Variants in MEGF10 observed in about 807,000 individuals in gnomAD.
MEGF10 encodes the protein multiple epidermal growth factor-like domains protein 10.
A neutral mutation model predicts 147.5 loss-of-function variants in MEGF10; 86 were observed. The ratio of observed to expected loss-of-function variants is 0.58; its 90% CI spans 0.49 to 0.70. The LOEUF is 0.70. Ranked by LOEUF, MEGF10 falls within the 30% of genes least tolerant of loss-of-function variation. The pLI is 0.00. For missense variants in MEGF10, 1,329 were observed against 1,487.3 expected, an observed-to-expected ratio of 0.89 and a Z score of 1.75; for synonymous variants, 478 against 525.5, an observed-to-expected ratio of 0.91 and a Z score of 1.24.
chr5:127,338,929 T>G (rs1433782815), intron 2 of MEGF10, among the ~76,000 whole-genome samples, 191 bp from the exon 3 acceptor site: 1 of 152,088 alleles, frequency 6.6e-6, no homozygotes, highest in Non-Finnish European at 1.5e-5. Flanking sequence ...GTATTTTAAA[T>G]GTATTGTTAA....
At position 127,445,502 on chromosome 5, in the gene MEGF10, G is replaced by C. The variant is rs1765909828; in HGVS notation, c.2537G>C (p.Ser846Thr). The change falls in exon 20 of 25, where the codon AGT becomes ACT. Residue 846 changes from serine (S) to threonine (T), a missense_variant. Physicochemically the swap from Ser to Thr is moderately conservative, Grantham distance 58. Coordinates refer to ENST00000503335, the MANE Select transcript of MEGF10 (RefSeq NM_001256545.2). ...AATCTGAACAGCTTAAGCCGAACCAGTACTGCTCTCCCTGCTGATTCCTAC... is the reference window on the plus strand; with the variant it reads ...AATCTGAACAGCTTAAGCCGAACCACTACTGCTCTCCCTGCTGATTCCTAC... ...VGNLNSLSRT[S>T]TALPADSYQI... 6.2e-7 allele frequency: 1 copy of C among 1,614,006 alleles called. No homozygotes were observed. Among genetic ancestry groups the C allele is most frequent in the Admixed American group, 1.7e-5 (1 of 59,998 alleles).
At chr5:127,376,095 G>A (rs149554514) in intron 5 of MEGF10, among the ~76,000 whole-genome samples, 1 of 152,280 alleles carries the variant, frequency 6.6e-6, no homozygotes, top group East Asian at 1.9e-4. Flanking sequence ...AGTGGACAAG[G>A]GAGACAAGGG....
chr5:127,444,439 T>C (rs1765865359), intron 19 of MEGF10: 1 of 152,216 alleles, frequency 6.6e-6, no homozygotes, highest in Non-Finnish European at 1.5e-5. Flanking sequence ...CAGGGCAGAT[T>C]GTTTTGTAAA....
chr5:127,425,289 A>C lies in MEGF10; in HGVS notation c.1693+2517A>C, dbSNP rs114207365. On this transcript the variant is annotated intron_variant, in intron 13 of 24. Coordinates refer to ENST00000503335, the MANE Select transcript of MEGF10 (RefSeq NM_001256545.2). ...ATGCAGTGGCTTTGTCACACAATGT[A>C]ATCTTGTAATCCTCTGTCCATCTGT... is the stretch of plus-strand genomic sequence containing the variant. Among the ~76,000 whole-genome samples the C allele has an allele frequency of 4.1e-3, 625 of 152,292 alleles. 2 individuals carry two copies. Among genetic ancestry groups the C allele is most frequent in the African/African-American group, 0.013 (554 of 41,548 alleles).
chr5:127,262,369 A>T, the MEGF10 span, among the ~76,000 whole-genome samples: 16 of 152,290 alleles, frequency 1.1e-4, 1 homozygote, highest in African/African-American at 3.1e-4. Context: ...AATCTTGTGC[A>T]AGTCCCTTCC....
At chr5:127,247,410 GAA>G in the MEGF10 span, among the ~76,000 whole-genome samples, 11 of 68,186 alleles carry the variant, frequency 1.6e-4, 2 homozygotes, top group Non-Finnish European at 2.6e-4. Flanking sequence ...AGAAGAAGAA[GAA>G]GAAGAAGAAG....
chr5:127,404,976 A>G (rs758554199), intron 8 of MEGF10, among the ~76,000 whole-genome samples: 1 of 152,138 alleles, frequency 6.6e-6, no homozygotes. Context: ...TCAGCCTCCC[A>G]AAGTGCTAAG....
At chr5:127,450,555 T>C (rs934487401) in intron 22 of MEGF10, among the ~76,000 whole-genome samples, 2 of 152,196 alleles carry the variant, frequency 1.3e-5, no homozygotes, top group Non-Finnish European at 2.9e-5. Context: ...GCAAATCCTT[T>C]CACGTACATT....
chr5:127,431,795 G>T (rs1765394070), intron 13 of MEGF10, among the ~76,000 whole-genome samples: 1 of 152,096 alleles, frequency 6.6e-6, no homozygotes, highest in African/African-American at 2.4e-5. Flanking sequence ...CAAAGTTTAG[G>T]TTTGCAGCCT....
intron 14 of MEGF10, among the ~76,000 whole-genome samples, chr5:127,434,365 CTT>C (rs1311172960): frequency 2.0e-5 from 3 of 152,100 alleles, no homozygotes; most frequent in Admixed American, 6.5e-5. Flanking sequence ...TTTTTTATCT[CTT>C]TATTTATTCA....
the MEGF10 span, chr5:127,229,339 T>A: frequency 6.6e-6 from 1 of 152,156 alleles, no homozygotes; most frequent in Non-Finnish European, 1.5e-5. Context: ...TGCACTGGGC[T>A]CCGTGGTTCC....
chr5:127,326,189 A>T (rs1451046791), intron 1 of MEGF10, among the ~76,000 whole-genome samples: 2 of 151,882 alleles, frequency 1.3e-5, no homozygotes, highest in Non-Finnish European at 2.9e-5. Flanking sequence ...TATTAGGATT[A>T]TGGGAGTGAG....
chr5:127,452,680 C>G (rs578121591), intron 22 of MEGF10, among the ~76,000 whole-genome samples: 6 of 152,164 alleles, frequency 3.9e-5, no homozygotes, highest in Admixed American at 2.6e-4. Flanking sequence ...CCAAACCCCC[C>G]ACCATAAATC....
chr5:127,246,924 AC>A, the MEGF10 span, among the ~76,000 whole-genome samples: 14 of 135,496 alleles, frequency 1.0e-4, no homozygotes, highest in Non-Finnish European at 7.7e-5. Context: ...TATATATTAT[AC>A]AATAATATAT....
chr5:127,248,438 A>G, the MEGF10 span, among the ~76,000 whole-genome samples: 17 of 152,122 alleles, frequency 1.1e-4, no homozygotes, highest in African/African-American at 3.9e-4. Flanking sequence ...GAGTTAGAAC[A>G]CAGTTTTTAA....
chr5:127,298,266 C>T (rs2585196), intron 1 of MEGF10, among the ~76,000 whole-genome samples: 94,615 of 152,010 alleles, frequency 0.62, 29,728 homozygotes, highest in Middle Eastern at 0.76. Context: ...CTCTTGCTCA[C>T]TGATGACCCA....
In MEGF10 at chr5:127,334,525, A is replaced by G. The variant is rs550279843; in HGVS notation, c.116+3101A>G. ...TATCTGAATATTTATTTTGAAATAG[A>G]GATGTGCCTTGTTTTAATGCAGCGA... is the stretch of plus-strand genomic sequence containing the variant. On this transcript the variant is annotated intron_variant, in intron 2 of 24. Transcript: ENST00000503335. 1.4e-4 allele frequency among the ~76,000 whole-genome samples: 21 copies of G among 152,290 alleles called. No homozygotes were observed. The East Asian group carries it at 3.7e-3, about 27-fold the overall frequency.
intron 1 of MEGF10, among the ~76,000 whole-genome samples, chr5:127,305,304 T>C (rs1344778882): frequency 6.6e-6 from 1 of 152,162 alleles, no homozygotes; most frequent in African/African-American, 2.4e-5. Flanking sequence ...TTTCAGACTT[T>C]TAGTTATTGA....
chr5:127,236,706 T>A, the MEGF10 span, among the ~76,000 whole-genome samples: 1 of 152,242 alleles, frequency 6.6e-6, no homozygotes, highest in Non-Finnish European at 1.5e-5. Context: ...CTCTTTAAGA[T>A]AAAATTTAAA....
Sources: gnomAD v4.1 joint callset for allele counts (sites outside exome capture counted in the v4.1 genomes callset) on GRCh38, gnomAD v4.1.1 for gene constraint, MANE v1.5 for transcripts, NCBI Gene and HGNC (gene_info 2026-07-23, HGNC 2026-07-21) for gene names.